The following MYO16 variants were observed in gnomAD, a reference collection of about 807,000 sequenced individuals.
The protein encoded by MYO16 is unconventional myosin-XVI.
MYO16 carries 94 observed loss-of-function variants against 205.3 expected under a neutral mutation model. The ratio of observed to expected loss-of-function variants is 0.46; its 90% confidence interval spans 0.39 to 0.54. The LOEUF is 0.54. Among genes scored for constraint, MYO16 ranks in the 20% least tolerant of loss-of-function variants. MYO16 has a pLI of 0.00. For synonymous variants in MYO16, 988 were observed against 954.0 expected, an observed-to-expected ratio of 1.04 and a Z score of -0.66; for missense variants, 2,315 against 2,387.5, an observed-to-expected ratio of 0.97 and a Z score of 0.63.
the MYO16 span, among the ~76,000 whole-genome samples, chr13:108,587,996 G>A: frequency 8.1e-4 from 123 of 152,252 alleles, 2 homozygotes; most frequent in East Asian, 0.016. Context: ...GTTTACTGCA[G>A]AGTATCTGGA....
chr13:108,942,738 G>A (rs1359460031), intron 16 of MYO16, among the ~76,000 whole-genome samples: 2 of 152,060 alleles, frequency 1.3e-5, no homozygotes, highest in African/African-American at 2.4e-5. Context: ...TTCTTGGCAC[G>A]TGTAGAAACC....
At chr13:109,087,893 T>C (rs1888485752) in intron 27 of MYO16, among the ~76,000 whole-genome samples, 1 of 152,238 alleles carries the variant, frequency 6.6e-6, no homozygotes. Flanking sequence ...AGGTCTTTTA[T>C]TTAGGCTTAA....
intron 2 of MYO16, among the ~76,000 whole-genome samples, chr13:108,669,697 T>C (rs1486667400): frequency 6.6e-6 from 1 of 152,128 alleles, no homozygotes; most frequent in African/African-American, 2.4e-5. Context: ...TTGTAGATTC[T>C]GGATATTAAA....
chr13:109,051,147 C>T (rs1051691947), intron 24 of MYO16, among the ~76,000 whole-genome samples: 3 of 152,092 alleles, frequency 2.0e-5, no homozygotes, highest in Non-Finnish European at 2.9e-5. Context: ...TCATGGATTT[C>T]TCTTGCTATC....
intron 1 of MYO16, among the ~76,000 whole-genome samples, chr13:108,599,990 C>T (rs1878706954): frequency 6.6e-6 from 1 of 152,124 alleles, no homozygotes; most frequent in Admixed American, 6.5e-5. Context: ...CATCTATTTG[C>T]ACAGTCATCC....
chr13:108,956,985 G>A (rs1177262688), intron 16 of MYO16, among the ~76,000 whole-genome samples: 2 of 152,108 alleles, frequency 1.3e-5, no homozygotes, highest in African/African-American at 4.8e-5. Context: ...TCTCATTATT[G>A]AAAAGTACCA....
At chr13:108,676,617 A>AG (rs1882223184) in intron 2 of MYO16, among the ~76,000 whole-genome samples, 1 of 152,160 alleles carries the variant, frequency 6.6e-6, no homozygotes, top group Admixed American at 6.5e-5. Flanking sequence ...ATTGAAAAGA[A>AG]GGGGAGAGTG....
intron 23 of MYO16, among the ~76,000 whole-genome samples, chr13:109,020,821 G>C (rs988536313): frequency 1.3e-5 from 2 of 152,056 alleles, no homozygotes; most frequent in African/African-American, 4.8e-5. Context: ...AGTTCATTTC[G>C]ACCAGTGTTT....
At chr13:108,827,805 C>G (rs1876359684) in intron 9 of MYO16, among the ~76,000 whole-genome samples, 1 of 152,148 alleles carries the variant, frequency 6.6e-6, no homozygotes, top group Non-Finnish European at 1.5e-5. Context: ...ACTAATGAAA[C>G]AGCTGCTGCT....
the MYO16 span, among the ~76,000 whole-genome samples, chr13:108,580,596 G>A: frequency 0.027 from 4,136 of 152,198 alleles, 179 homozygotes; most frequent in African/African-American, 0.093. Context: ...TGTGCACTCA[G>A]TTTATCTGTT....
chr13:108,558,900 C>T, the MYO16 span, among the ~76,000 whole-genome samples: 5 of 152,066 alleles, frequency 3.3e-5, no homozygotes, highest in South Asian at 2.1e-4. Flanking sequence ...TTTTGTCATT[C>T]GCTCATGTAT....
intron 16 of MYO16, among the ~76,000 whole-genome samples, chr13:108,932,288 G>A (rs1882290618): frequency 6.6e-6 from 1 of 151,978 alleles, no homozygotes; most frequent in Non-Finnish European, 1.5e-5. Context: ...CATCGTATAT[G>A]TGAAGTAATT....
At chr13:108,762,855 T>C (rs781439074) in intron 4 of MYO16, among the ~76,000 whole-genome samples, 1 of 152,184 alleles carries the variant, frequency 6.6e-6, no homozygotes, top group Non-Finnish European at 1.5e-5. Flanking sequence ...AGAACACCAT[T>C]GATAGATGTG....
At chr13:108,935,788 G>C (rs561343053) in intron 16 of MYO16, among the ~76,000 whole-genome samples, 6 of 151,424 alleles carry the variant, frequency 4.0e-5, no homozygotes, top group African/African-American at 1.4e-4. Flanking sequence ...TTATTTTGAA[G>C]TGTATTCCTT....
chr13:108,724,783 CCCTTCCCG>C (rs758419102), intron 3 of MYO16, among the ~76,000 whole-genome samples: 1 of 152,040 alleles, frequency 6.6e-6, no homozygotes, highest in Non-Finnish European at 1.5e-5. Context: ...TTCATTTCTC[CCCTTCCCG>C]CCTTTGTTTT....
intron 21 of MYO16, among the ~76,000 whole-genome samples, chr13:108,997,770 G>A (rs937767728): frequency 3.9e-5 from 6 of 152,260 alleles, no homozygotes; most frequent in East Asian, 1.9e-4. Context: ...ACCAGAAGGC[G>A]GAGGTTGCAG....
intron 23 of MYO16, among the ~76,000 whole-genome samples, chr13:109,036,413 T>A (rs959288055): frequency 6.6e-6 from 1 of 152,138 alleles, no homozygotes; most frequent in Non-Finnish European, 1.5e-5. Flanking sequence ...TGGTGAAAGT[T>A]TTATACCCCT....
At chr13:109,097,571 G>A (rs1462714162) in intron 27 of MYO16, among the ~76,000 whole-genome samples, 2 of 152,084 alleles carry the variant, frequency 1.3e-5, no homozygotes, top group East Asian at 1.9e-4. Flanking sequence ...TTCAGTACAC[G>A]GCGTGTAAGA....
Position 109,126,941 on chromosome 13 carries a change from G to T in MYO16, c.3783-341G>T, listed in dbSNP as rs1876280302. 1.3e-5 allele frequency among the ~76,000 whole-genome samples: 2 copies of T among 152,170 alleles called. 1 individual carries two copies. Among genetic ancestry groups the T allele is most frequent in the Non-Finnish European group, 2.9e-5 (2 of 68,014 alleles). On this transcript the variant is annotated intron_variant, in intron 30 of 34. Coordinates refer to ENST00000457511, the MANE Select transcript of MYO16 (RefSeq NM_001198950.3). ...GATTGAAATTCTGGTTTTTTGATTT[G>T]CTTAATAATCAGAGTGTGAAGAATT...
Sources: gnomAD v4.1 joint callset for allele counts (sites outside exome capture counted in the v4.1 genomes callset) on GRCh38, gnomAD v4.1.1 for gene constraint, MANE v1.5 for transcripts, NCBI Gene and HGNC (gene_info 2026-07-23, HGNC 2026-07-21) for gene names.